Variants in NFAT5 observed in about 807,000 individuals in gnomAD.
The protein encoded by NFAT5 is nuclear factor of activated T cells 5.
NFAT5 carries 31 observed loss-of-function variants against 166.5 expected under a neutral mutation model. The ratio of observed to expected loss-of-function variants is 0.19; its 90% CI spans 0.14 to 0.25. The LOEUF (loss-of-function observed/expected upper bound fraction) is 0.25. Ranked by LOEUF, NFAT5 falls within the 10% of genes least tolerant of loss-of-function variation. The pLI is 1.00. For missense variants in NFAT5, 1,449 were observed against 1,821.8 expected (o/e 0.80, Z 3.72); for synonymous variants, 612 against 639.7 (o/e 0.96, Z 0.65).
chr16:69,660,401 G>T (rs1401604848), intron 7 of NFAT5, among the ~76,000 whole-genome samples: 1 of 151,410 alleles, frequency 6.6e-6, no homozygotes, highest in African/African-American at 2.4e-5. Flanking sequence ...CTGCACGCCA[G>T]CCTGGGCAGC....
rs544839938 is a variant in NFAT5, at chr16:69,637,679, C to T, written c.254-9349C>T. Among the ~76,000 whole-genome samples, 145 of 152,260 alleles carry T rather than the reference C, an allele frequency of 9.5e-4. 2 individuals are homozygous for T. The highest frequency in any genetic ancestry group is 3.4e-3 in the African/African-American group (140 of 41,542). On this transcript the variant is annotated intron_variant, in intron 3 of 14. Transcript: ENST00000349945. ...AGACCAGCCGCCATGACTCAAATAC[C>T]ACCTCCTGGGTCCATCCTGTGACAC...
Position 69,677,289 on chromosome 16 carries a change from T to C in NFAT5, c.1644T>C (p.Ala548=), listed in dbSNP as rs1169421833. The stretch of plus-strand genomic sequence containing the variant: ...TGGGAATATATGTAGTGACAAATGC[T>C]GGAAGATCTCATGATGTTCAACCAT... ...VSVGIYVVTN[A]GRSHDVQPFT... Residue 548 remains alanine (A), a synonymous_variant, in exon 10 of 15, where the codon GCT becomes GCC. Transcript: ENST00000349945. The C allele has an allele frequency of 6.2e-7, 1 of 1,612,152 alleles. No homozygotes were observed. The highest frequency in any genetic ancestry group is 2.2e-5 in the East Asian group (1 of 44,756).
Position 69,581,291 on chromosome 16 carries a change from T to G in NFAT5, c.127+12743T>G, listed in dbSNP as rs144167318. On this transcript the variant is annotated intron_variant, in intron 2 of 14. Coordinates refer to ENST00000349945, the MANE Select transcript of NFAT5 (RefSeq NM_138713.4). ...TCCCGAGTTCCTTTTTATTGCAGAA[T>G]AGTATTCCATTTTATGGATATATCA... 9.0e-3 allele frequency among the ~76,000 whole-genome samples: 1,376 copies of G among 152,314 alleles called. 19 individuals carry two copies. The highest frequency in any genetic ancestry group is 0.032 in the African/African-American group (1,319 of 41,570).
At chr16:69,590,389 CTG>C (rs1190913522) in intron 2 of NFAT5, among the ~76,000 whole-genome samples, 11 of 152,126 alleles carry the variant, frequency 7.2e-5, no homozygotes, top group African/African-American at 1.4e-4. Context: ...ATTTAAAAAA[CTG>C]TATTAGTCAA....
intron 2 of NFAT5, among the ~76,000 whole-genome samples, chr16:69,619,273 A>G (rs896274406): frequency 1.3e-5 from 2 of 152,212 alleles, no homozygotes; most frequent in African/African-American, 4.8e-5. Context: ...CAAGAGATCA[A>G]CTTATTTAAG....
chr16:69,596,490 C>T (rs1251890231), intron 2 of NFAT5, among the ~76,000 whole-genome samples: 1 of 152,016 alleles, frequency 6.6e-6, no homozygotes, highest in Non-Finnish European at 1.5e-5. Flanking sequence ...GAGGCTGAGG[C>T]GGGCAGATCA....
At chr16:69,643,688 T>C (rs753770745) in intron 3 of NFAT5, among the ~76,000 whole-genome samples, 5 of 152,178 alleles carry the variant, frequency 3.3e-5, no homozygotes, top group Non-Finnish European at 5.9e-5. Context: ...TCAACCTACA[T>C]TTATTTGCCA....
chr16:69,679,620 A>T (rs2036972836), intron 10 of NFAT5, among the ~76,000 whole-genome samples: 1 of 152,106 alleles, frequency 6.6e-6, no homozygotes, highest in Non-Finnish European at 1.5e-5. Context: ...GTCAATAAAT[A>T]AATAAATAAA....
In NFAT5 at chr16:69,677,244, T is replaced by A. The variant is rs1210832355; in HGVS notation, c.1599T>A (p.His533Gln). 1 of 1,612,286 alleles carries A rather than the reference T, an allele frequency of 6.2e-7. No individual in the cohort carries two copies. Among genetic ancestry groups the A allele is most frequent in the East Asian group, 2.2e-5 (1 of 44,806 alleles). The change falls in exon 10 of 15, where the codon CAT becomes CAA. Residue 533 changes from histidine to glutamine, a missense_variant. His to Gln is a conservative substitution (Grantham distance 24, BLOSUM62 0). Transcript: ENST00000349945. ...AGGTTCCTCCCTATCATGACCAACA[T>A]ATAACTTTGCCTGTGTCAGTGGGAA... ...IVKVPPYHDQ[H>Q]ITLPVSVGIY...
At chr16:69,581,066 G>A (rs2031654811) in intron 2 of NFAT5, among the ~76,000 whole-genome samples, 1 of 152,160 alleles carries the variant, frequency 6.6e-6, no homozygotes, top group Admixed American at 6.5e-5. Flanking sequence ...TTTTGAGACA[G>A]GGTCTCACTC....
At chr16:69,659,146 A>T (rs1352532700) in intron 6 of NFAT5, among the ~76,000 whole-genome samples, 8 of 146,552 alleles carry the variant, frequency 5.5e-5, no homozygotes, top group African/African-American at 2.0e-4. Context: ...TTTTTTTTTA[A>T]AAAAAAGGTC....
At chr16:69,665,029 A>G (rs1207215679) in intron 7 of NFAT5, among the ~76,000 whole-genome samples, 1 of 152,238 alleles carries the variant, frequency 6.6e-6, no homozygotes, top group East Asian at 1.9e-4. Context: ...CTCCGTCTCA[A>G]ATAAATAGAT....
intron 2 of NFAT5, among the ~76,000 whole-genome samples, chr16:69,623,681 AT>A (rs771130215): frequency 6.6e-6 from 1 of 151,760 alleles, no homozygotes; most frequent in East Asian, 1.9e-4. Flanking sequence ...CTAATTTTGT[AT>A]TTTTAGTAGA....
intron 9 of NFAT5, among the ~76,000 whole-genome samples, chr16:69,670,725 A>G (rs2036591488): frequency 6.6e-6 from 1 of 152,220 alleles, no homozygotes; most frequent in Admixed American, 6.5e-5. Flanking sequence ...CTCACCATGT[A>G]TTGTTTCCCA....
At chr16:69,598,886 T>C (rs532158501) in intron 2 of NFAT5, among the ~76,000 whole-genome samples, 1 of 151,944 alleles carries the variant, frequency 6.6e-6, no homozygotes, top group South Asian at 2.1e-4. Flanking sequence ...CGATGGTGCG[T>C]GCCTGTAATT....
chr16:69,617,474 T>C (rs906372212), intron 2 of NFAT5, among the ~76,000 whole-genome samples: 10 of 152,020 alleles, frequency 6.6e-5, no homozygotes, highest in South Asian at 4.2e-4. Flanking sequence ...TAAGAGGTTA[T>C]TTAGAGAACA....
rs1186974919 is a variant in NFAT5 at position 69,685,186 on chromosome 16, ATATATT to A, written c.1774+218_1774+223del. On this transcript the variant is annotated intron_variant, in intron 11 of 14. Transcript: ENST00000349945. ...AATATGTTTTTATATATATATATAT[ATATATT>A]TTTTTTTTTAAGTATATTGGAGTGG... 9.6e-3 allele frequency: 905 copies of A among 93,818 alleles called. 2 individuals carry two copies. The highest frequency in any genetic ancestry group is 0.03 in the South Asian group (70 of 2,308). The allele number at this position is 93,818 out of a possible 1,614,324, so 5.8% of individuals were successfully genotyped here. A position where few individuals can be genotyped will look rare whatever the true frequency, so the allele number is the denominator to read the frequency against.
rs988699487 is a variant in NFAT5 at position 69,627,260 on chromosome 16, T to C, written c.253+732T>C. ...TTAGTATCAGTCCTTCCTGTAATGTTAGTTTACCCACCTAATATTGGATTT... is the reference window on the plus strand; with the variant it reads ...TTAGTATCAGTCCTTCCTGTAATGTCAGTTTACCCACCTAATATTGGATTT... On this transcript the variant is annotated intron_variant, in intron 3 of 14. Transcript: ENST00000349945. Among the ~76,000 whole-genome samples, 14 of 149,414 alleles carry C rather than the reference T, an allele frequency of 9.4e-5. 1 individual carries two copies. The highest frequency in any genetic ancestry group is 3.9e-4 in the East Asian group (2 of 5,128).
At chr16:69,584,318 C>T (rs1597354282) in intron 2 of NFAT5, among the ~76,000 whole-genome samples, 1 of 146,684 alleles carries the variant, frequency 6.8e-6, no homozygotes, top group South Asian at 2.2e-4. Context: ...TGTTCTGTGT[C>T]TCTTTTTTTT....
Sources: gnomAD v4.1 joint callset for allele counts (sites outside exome capture counted in the v4.1 genomes callset) on GRCh38, gnomAD v4.1.1 for gene constraint, MANE v1.5 for transcripts, NCBI Gene and HGNC (gene_info 2026-07-23, HGNC 2026-07-21) for gene names.